The following TAFA1 variants were observed in gnomAD, a reference collection of about 807,000 sequenced individuals.
TAFA1 encodes TAFA chemokine like family member 1.
In TAFA1, 4 loss-of-function variants were observed where a neutral mutation model predicts 18.5. That is an observed-to-expected ratio of 0.22 (90% CI 0.11 to 0.49). The LOEUF is 0.49. Ranked by LOEUF, TAFA1 falls within the 20% of genes least tolerant of loss-of-function variation. The pLI, the probability that TAFA1 is intolerant of heterozygous loss-of-function variation, is 0.98. For missense variants in TAFA1, 147 were observed against 169.0 expected (o/e 0.87, Z 0.72); for synonymous variants, 56 against 55.2 (o/e 1.01, Z -0.06).
intron 2 of TAFA1, among the ~76,000 whole-genome samples, chr3:68,277,956 C>T (rs138429093): frequency 2.0e-5 from 3 of 152,234 alleles, no homozygotes; most frequent in African/African-American, 7.2e-5. Context: ...ACTGTCCCAT[C>T]GTAACATAGA....
intron 3 of TAFA1, among the ~76,000 whole-genome samples, chr3:68,528,581 A>G (rs923518808): frequency 2.2e-4 from 34 of 152,230 alleles, no homozygotes; most frequent in African/African-American, 8.2e-4. Context: ...CTGTTCCAAC[A>G]ACCAGTGCAA....
At chr3:68,361,400 G>C (rs1220039567) in intron 2 of TAFA1, among the ~76,000 whole-genome samples, 1 of 151,876 alleles carries the variant, frequency 6.6e-6, no homozygotes, top group African/African-American at 2.4e-5. Flanking sequence ...TACAAACATA[G>C]ACAAAAAAGC....
intron 2 of TAFA1, among the ~76,000 whole-genome samples, chr3:68,097,567 T>C (rs2065100520): frequency 6.6e-6 from 1 of 152,154 alleles, no homozygotes; most frequent in African/African-American, 2.4e-5. Context: ...CATGTCGATT[T>C]AATGATCTTA....
At chr3:68,204,265 T>G (rs1412581718) in intron 2 of TAFA1, among the ~76,000 whole-genome samples, 1 of 151,830 alleles carries the variant, frequency 6.6e-6, no homozygotes, top group African/African-American at 2.4e-5. Flanking sequence ...ATGTGGAACA[T>G]GAATCCAGAA....
chr3:68,082,337 C>A (rs2064915498), intron 2 of TAFA1, among the ~76,000 whole-genome samples: 1 of 152,198 alleles, frequency 6.6e-6, no homozygotes, highest in Non-Finnish European at 1.5e-5. Flanking sequence ...TGGCTCCTCC[C>A]CCCTGTTCCT....
intron 2 of TAFA1, among the ~76,000 whole-genome samples, chr3:68,043,532 C>T (rs889580135): frequency 3.3e-5 from 5 of 152,198 alleles, no homozygotes; most frequent in African/African-American, 1.2e-4. Context: ...AGAAGCCACA[C>T]ATGAAAAATA....
At chr3:68,487,037 C>T (rs1005718693) in intron 3 of TAFA1, among the ~76,000 whole-genome samples, 2 of 152,014 alleles carry the variant, frequency 1.3e-5, no homozygotes, top group African/African-American at 2.4e-5. Flanking sequence ...CTTTGAGATC[C>T]GATGAATCCA....
At chr3:68,539,954 C>T (rs958853831) in intron 4 of TAFA1, among the ~76,000 whole-genome samples, 5 of 151,980 alleles carry the variant, frequency 3.3e-5, no homozygotes, top group Middle Eastern at 3.2e-3. Context: ...CAAGCTCCAT[C>T]GGTTACAAAT....
intron 2 of TAFA1, among the ~76,000 whole-genome samples, chr3:68,329,087 TTG>T (rs1172295016): frequency 0.043 from 6,425 of 150,618 alleles, 141 homozygotes; most frequent in African/African-American, 0.067. Context: ...GGCCACTTTT[TTG>T]TTTTTTTTTT....
chr3:68,446,635 A>G (rs2071477682), intron 3 of TAFA1, among the ~76,000 whole-genome samples: 1 of 152,218 alleles, frequency 6.6e-6, no homozygotes, highest in African/African-American at 2.4e-5. Context: ...TCTAAAAAGA[A>G]TCACAAAATC....
chr3:68,454,461 A>G (rs1009741174), intron 3 of TAFA1, among the ~76,000 whole-genome samples: 3 of 152,304 alleles, frequency 2.0e-5, no homozygotes, highest in Non-Finnish European at 2.9e-5. Context: ...GCCCATATCT[A>G]TAGTTCTCCA....
chr3:68,393,705 C>T (rs1426903606), intron 2 of TAFA1, among the ~76,000 whole-genome samples: 2 of 152,112 alleles, frequency 1.3e-5, no homozygotes, highest in African/African-American at 4.8e-5. Context: ...AAAGCTGATT[C>T]AACATATGCA....
At chr3:68,305,519 T>A (rs895606727) in intron 2 of TAFA1, among the ~76,000 whole-genome samples, 11 of 141,756 alleles carry the variant, frequency 7.8e-5, no homozygotes, top group African/African-American at 2.9e-4. Context: ...CTATAAAGGC[T>A]TAGGGTAAGG....
At chr3:68,323,798 A>T (rs964812509) in intron 2 of TAFA1, among the ~76,000 whole-genome samples, 1 of 152,224 alleles carries the variant, frequency 6.6e-6, no homozygotes, top group Non-Finnish European at 1.5e-5. Context: ...TATGAAACAT[A>T]TGGAACTTTA....
chr3:68,536,284 G>A lies in TAFA1; in HGVS notation c.260-2472G>A, dbSNP rs561803060. 1.1e-3 allele frequency among the ~76,000 whole-genome samples: 161 copies of A among 152,304 alleles called. 1 individual carries two copies. Among genetic ancestry groups the A allele is most frequent in the Non-Finnish European group, 3.4e-4 (23 of 68,024 alleles). On this transcript the variant is annotated intron_variant, in intron 3 of 4. Coordinates refer to ENST00000478136, the MANE Select transcript of TAFA1 (RefSeq NM_213609.4). ...AAGTCAGCAATCTCATCCCTCTAGTGAATACTGGATAGAGAGAGAATTTTA... is the reference window on the plus strand; with the variant it reads ...AAGTCAGCAATCTCATCCCTCTAGTAAATACTGGATAGAGAGAGAATTTTA...
chr3:68,036,655 G>T (rs1182345768), intron 2 of TAFA1, among the ~76,000 whole-genome samples: 2 of 152,050 alleles, frequency 1.3e-5, no homozygotes, highest in Admixed American at 1.3e-4. Context: ...TTCAGAGAAG[G>T]CTTGGTAAAT....
chr3:68,045,871 G>A (rs1175952838), intron 2 of TAFA1, among the ~76,000 whole-genome samples: 1 of 152,104 alleles, frequency 6.6e-6, no homozygotes. Context: ...AGGACACTTT[G>A]TACTTTCGAA....
At chr3:68,079,049 T>A (rs1046016758) in intron 2 of TAFA1, among the ~76,000 whole-genome samples, 16 of 152,248 alleles carry the variant, frequency 1.1e-4, no homozygotes, top group African/African-American at 3.4e-4. Flanking sequence ...GTAGAGGGTA[T>A]GTGTCCAGGA....
At chr3:68,379,444 G>A (rs2069885674) in intron 2 of TAFA1, among the ~76,000 whole-genome samples, 1 of 152,146 alleles carries the variant, frequency 6.6e-6, no homozygotes, top group Admixed American at 6.5e-5. Flanking sequence ...TCTGTAGGTT[G>A]CCTGTTTATT....
Sources: gnomAD v4.1 joint callset for allele counts (sites outside exome capture counted in the v4.1 genomes callset) on GRCh38, gnomAD v4.1.1 for gene constraint, MANE v1.5 for transcripts, NCBI Gene and HGNC (gene_info 2026-07-23, HGNC 2026-07-21) for gene names.